EPB41L4B: variants seen among roughly 807,000 people sequenced by gnomAD.
EPB41L4B encodes the protein erythrocyte membrane protein band 4.1 like 4B.
In EPB41L4B, 30 loss-of-function variants were observed where a neutral mutation model predicts 112.5. That is an observed-to-expected ratio of 0.27 (90% CI 0.20 to 0.36). EPB41L4B has a LOEUF of 0.36. Among genes scored for constraint, EPB41L4B ranks in the 10% least tolerant of loss-of-function variants. EPB41L4B has a pLI of 1.00. For missense variants in EPB41L4B, 1,024 were observed against 1,133.3 expected (o/e 0.90, Z 1.38); for synonymous variants, 408 against 439.7 (o/e 0.93, Z 0.90).
At chr9:109,241,953 G>A in intron 15 of EPB41L4B, 1 of 764,926 alleles carries the variant, frequency 1.3e-6, no homozygotes, top group South Asian at 1.7e-5. Context: ...GAAATGAATG[G>A]ATTTCCTAGT....
At chr9:109,196,772 A>T (rs149076905) in intron 20 of EPB41L4B, among the ~76,000 whole-genome samples, 1,813 of 150,922 alleles carry the variant, frequency 0.012, 14 homozygotes, top group Middle Eastern at 0.042. Flanking sequence ...CTCTGTAGAG[A>T]CCCTCTACTT....
Position 109,217,225 on chromosome 9 carries a change from A to G in EPB41L4B, c.1410-80T>C. ...CTGTGTACTTTCAAAGACGTTTTCT[A>G]GGCATTAAACACTGAAAGAAATAAA... On this transcript the variant is annotated intron_variant, in intron 15 of 25. Coordinates refer to ENST00000374566, the MANE Select transcript of EPB41L4B (RefSeq NM_019114.5). 4 of 1,296,982 alleles carry G rather than the reference A, an allele frequency of 3.1e-6. No homozygotes were observed. The South Asian group carries it at 4.9e-5, about 16-fold the overall frequency. The allele number at this position is 1,296,982 out of a possible 1,614,324, so 80.3% of individuals were successfully genotyped here.
chr9:109,306,085 G>A (rs1223837252), intron 1 of EPB41L4B, among the ~76,000 whole-genome samples: 1 of 152,164 alleles, frequency 6.6e-6, no homozygotes, highest in African/African-American at 2.4e-5. Context: ...TGACTTTTAA[G>A]TCTAGTTTTG....
chr9:109,255,348 G>A (rs1420720755), intron 11 of EPB41L4B, among the ~76,000 whole-genome samples, 163 bp downstream of exon 11: 2 of 152,186 alleles, frequency 1.3e-5, no homozygotes, highest in Non-Finnish European at 1.5e-5. Context: ...ATGACCAGGT[G>A]GGGGTCAAAA....
At chr9:109,297,482 T>C (rs532915904) in intron 1 of EPB41L4B, among the ~76,000 whole-genome samples, 53 of 152,314 alleles carry the variant, frequency 3.5e-4, no homozygotes, top group African/African-American at 1.3e-3. Context: ...GTTTTCTGTC[T>C]GTGAACGGAG....
chr9:109,307,034 T>C lies in EPB41L4B; in HGVS notation c.306+13107A>G, dbSNP rs557530264. On this transcript the variant is annotated intron_variant, in intron 1 of 25. Transcript: ENST00000374566. ...GCAGTTGTTTTTTTTTTTTTTTTTT[T>C]CTTCAAGAAATAAATGAAATAGCTG... Among the ~76,000 whole-genome samples the C allele has an allele frequency of 2.4e-3, 361 of 150,808 alleles. 2 individuals are homozygous for C. Among genetic ancestry groups the C allele is most frequent in the Non-Finnish European group, 3.7e-3 (248 of 67,758 alleles).
At chr9:109,187,012 G>A (rs1277030952) in intron 22 of EPB41L4B, among the ~76,000 whole-genome samples, 1 of 152,206 alleles carries the variant, frequency 6.6e-6, no homozygotes, top group African/African-American at 2.4e-5. Flanking sequence ...CATGCGCCCA[G>A]CAGAGGTCCA....
chr9:109,262,767 CA>C lies in EPB41L4B; in HGVS notation c.631+282del, dbSNP rs1406423422. Among the ~76,000 whole-genome samples the C allele has an allele frequency of 3.3e-5, 5 of 152,202 alleles. 1 individual carries two copies. The highest frequency in any genetic ancestry group is 3.3e-4 in the Admixed American group (5 of 15,282). On this transcript the variant is annotated intron_variant, in intron 6 of 25. Transcript: ENST00000374566. ...CACTCAACTGCTGCTAACCTCTCTG[CA>C]CTTTTGTGCCTTGGTTCCTTGACTC...
intron 20 of EPB41L4B, among the ~76,000 whole-genome samples, chr9:109,198,607 C>T (rs571571670): frequency 1.3e-5 from 2 of 152,186 alleles, no homozygotes; most frequent in Admixed American, 1.3e-4. Context: ...TAGCTAAGGT[C>T]AAGAAATGGG....
chr9:109,296,028 A>AT (rs1346849685), intron 1 of EPB41L4B, among the ~76,000 whole-genome samples: 10 of 152,214 alleles, frequency 6.6e-5, no homozygotes, highest in Admixed American at 6.5e-4. Flanking sequence ...CTGAAAATAA[A>AT]TTGCCAAATT....
At chr9:109,186,219 G>A (rs1202130676) in intron 22 of EPB41L4B, among the ~76,000 whole-genome samples, 1 of 150,720 alleles carries the variant, frequency 6.6e-6, no homozygotes, top group Non-Finnish European at 1.5e-5. Context: ...TTTGAGACTC[G>A]CTCTGTCACC....
At chr9:109,176,213 C>T (rs922394124) in intron 25 of EPB41L4B, among the ~76,000 whole-genome samples, 3 of 151,984 alleles carry the variant, frequency 2.0e-5, no homozygotes, top group African/African-American at 7.3e-5. Flanking sequence ...CTGAAACCTC[C>T]ACCTACTGGG....
intron 6 of EPB41L4B, among the ~76,000 whole-genome samples, chr9:109,262,751 G>A (rs1835261882): frequency 6.6e-6 from 1 of 152,178 alleles, no homozygotes; most frequent in Non-Finnish European, 1.5e-5. Context: ...TCACTCAACT[G>A]CTGCTAACCT....
chr9:109,243,212 C>CAAAAA (rs58092749), intron 15 of EPB41L4B, among the ~76,000 whole-genome samples: 3 of 52,282 alleles, frequency 5.7e-5, no homozygotes, highest in Non-Finnish European at 9.3e-5. Flanking sequence ...CCCACCCCCG[C>CAAAAA]AAAAAAAAAA....
chr9:109,312,513 A>C (rs535889679), intron 1 of EPB41L4B, among the ~76,000 whole-genome samples: 26 of 151,692 alleles, frequency 1.7e-4, no homozygotes, highest in African/African-American at 6.3e-4. Context: ...GAGCCCTCCC[A>C]CCCCCCTCGC....
chr9:109,182,846 A>G lies in EPB41L4B; in HGVS notation c.2419-49T>C, dbSNP rs552604312. 1.7e-5 allele frequency: 24 copies of G among 1,385,294 alleles called. No individual in the cohort carries two copies. The East Asian group carries it at 4.8e-4, about 28-fold the overall frequency. The allele number at this position is 1,385,294 out of a possible 1,614,324, so 85.8% of individuals were successfully genotyped here. On this transcript the variant is annotated intron_variant, in intron 23 of 25. Coordinates refer to ENST00000374566, the MANE Select transcript of EPB41L4B (RefSeq NM_019114.5). ...GGGTTACCTTCAGATTAGAAAACAA[A>G]GTTTTGCAATCTTTGGCAGCGCACC...
At chr9:109,267,240 A>G (rs1339241409) in intron 4 of EPB41L4B, among the ~76,000 whole-genome samples, 2 of 152,248 alleles carry the variant, frequency 1.3e-5, no homozygotes, top group Non-Finnish European at 2.9e-5. Context: ...CCAAGAAAAT[A>G]GAAGTGTGAC....
intron 20 of EPB41L4B, among the ~76,000 whole-genome samples, chr9:109,199,510 A>C (rs1165182143): frequency 2.0e-5 from 3 of 152,106 alleles, no homozygotes. Context: ...CTCTACCAAA[A>C]ATACAAAAAT....
chr9:109,258,639 AG>A (rs1835072213), intron 6 of EPB41L4B, among the ~76,000 whole-genome samples: 1 of 152,256 alleles, frequency 6.6e-6, no homozygotes, highest in Admixed American at 6.5e-5. Flanking sequence ...GCAGGGAATG[AG>A]GATCTGCCCA....
Sources: gnomAD v4.1 joint callset for allele counts (sites outside exome capture counted in the v4.1 genomes callset) on GRCh38, gnomAD v4.1.1 for gene constraint, MANE v1.5 for transcripts, NCBI Gene and HGNC (gene_info 2026-07-23, HGNC 2026-07-21) for gene names.